MYH1: variants seen among roughly 807,000 people sequenced by gnomAD.
The protein encoded by MYH1 is myosin-1.
In MYH1, 214 loss-of-function variants were observed where a neutral mutation model predicts 225.6. That is an observed-to-expected ratio of 0.95 (90% CI 0.85 to 1.06). The LOEUF (loss-of-function observed/expected upper bound fraction) is 1.06. MYH1 is among the 50% of genes least tolerant of loss of function. The pLI is 0.00. For missense variants in MYH1, 2,098 were observed against 2,344.2 expected, an observed-to-expected ratio of 0.89 and a Z score of 2.17; for synonymous variants, 774 against 842.3, an observed-to-expected ratio of 0.92 and a Z score of 1.40.
intron 14 of MYH1, 128 bp from the exon 15 acceptor site, chr17:10,509,783 C>G (rs1369736324): frequency 2.8e-5 from 42 of 1,511,826 alleles, no homozygotes; most frequent in Non-Finnish European, 3.6e-5. Context: ...TATACCTACA[C>G]AATGAAGTTT....
Position 10,501,696 on chromosome 17 carries a change from G to A in MYH1, c.3258-12C>T, listed in dbSNP as rs375228048. The A allele has an allele frequency of 2.7e-5, 44 of 1,614,020 alleles. 1 individual carries two copies. The East Asian group carries it at 8.2e-4, about 30-fold the overall frequency. On this transcript the variant is annotated splice_polypyrimidine_tract_variant and intron_variant, in intron 25 of 39. Transcript: ENST00000226207. ...TTTCAAACTCTTTCCTATTAGAAAA[G>A]CCCTTTATGTCAGTCTCAGAAATAT...
intron 27 of MYH1, 58 bp downstream of exon 27, chr17:10,501,052 A>G (rs542847266): frequency 6.3e-6 from 10 of 1,593,388 alleles, no homozygotes; most frequent in South Asian, 1.1e-5. Context: ...TACAAATCAT[A>G]TTTGTGCTAA....
rs1438973586 is a variant in MYH1, at chr17:10,516,455, T to C, written c.188A>G (p.Lys63Arg). Residue 63 changes from lysine (K) to arginine (R), a missense_variant, in exon 3 of 40, where the codon AAG becomes AGG. By Grantham distance (26) the Lys-to-Arg change is conservative. Coordinates refer to ENST00000226207, the MANE Select transcript of MYH1 (RefSeq NM_005963.4). ...TTTACTCACAGCTCCAGCTTCGGTC[T>C]TAGCTGTCACCTTCCCCCCTTCCCT... ...QSREGGKVTAKTEAGATVTVK... is the reference protein window; with the variant it reads ...QSREGGKVTARTEAGATVTVK... 6 of 1,614,238 alleles carry C rather than the reference T, an allele frequency of 3.7e-6. No homozygotes were observed. Among genetic ancestry groups the C allele is most frequent in the Non-Finnish European group, 3.4e-6 (4 of 1,180,046 alleles).
intron 28 of MYH1, among the ~76,000 whole-genome samples, chr17:10,500,218 A>G (rs1398696541): frequency 6.6e-6 from 1 of 152,186 alleles, no homozygotes; most frequent in Non-Finnish European, 1.5e-5. Flanking sequence ...AAAGTAACAC[A>G]TAGCTTGCGA....
rs2072944356 is a variant in MYH1 at position 10,492,482 on chromosome 17, C to T, written c.5754G>A (p.Glu1918=). 1.2e-6 allele frequency: 2 copies of T among 1,614,166 alleles called. No homozygotes were observed. The highest frequency in any genetic ancestry group is 4.5e-5 in the East Asian group (2 of 44,878). The change falls in exon 40 of 40, where the codon GAG becomes GAA. Residue 1918 remains glutamate, a synonymous_variant. Transcript: ENST00000226207. Reference sequence around the variant, plus strand: ...TCACCCTCAGCTTGTTGACCTGGGACTCAGCAATGTCAGCCCGTTCCTCGG... The same window carrying T: ...TCACCCTCAGCTTGTTGACCTGGGATTCAGCAATGTCAGCCCGTTCCTCGG... ...EEAEERADIA[E]SQVNKLRVKS...
At position 10,496,475 on chromosome 17, in the gene MYH1, A is replaced by G. The variant is rs1401968161; in HGVS notation, c.4731T>C (p.Asp1577=). Residue 1577 remains aspartate, a synonymous_variant, in exon 34 of 40, where the codon GAT becomes GAC. Coordinates refer to ENST00000226207, the MANE Select transcript of MYH1 (RefSeq NM_005963.4). ...LELNQVKSEV[D]RKIAEKDEEI... is the part of the protein sequence containing the mutation. ...CCTCATCTTTTTCAGCAATTTTCCT[A>G]TCAACCTCAGACTTGACTTGGTTCA... The G allele has an allele frequency of 8.7e-6, 14 of 1,613,846 alleles. No individual in the cohort carries two copies. The highest frequency in any genetic ancestry group is 1.3e-5 in the African/African-American group (1 of 74,858).
intron 6 of MYH1, among the ~76,000 whole-genome samples, 199 bp downstream of exon 6, chr17:10,514,669 C>A (rs1267482795): frequency 3.9e-5 from 6 of 152,194 alleles, no homozygotes; most frequent in Non-Finnish European, 2.9e-5. Flanking sequence ...ACTTTCAAGA[C>A]CAGCAAATGA....
At chr17:10,497,568 T>C in intron 31 of MYH1, 116 bp from the exon 32 acceptor site, 6 of 1,486,436 alleles carry the variant, frequency 4.0e-6, no homozygotes, top group Non-Finnish European at 5.4e-6. Flanking sequence ...AAATTATGAA[T>C]GAGAAGAATA....
intron 14 of MYH1, among the ~76,000 whole-genome samples, chr17:10,511,498 C>G (rs574285423): frequency 2.8e-4 from 43 of 152,194 alleles, no homozygotes; most frequent in African/African-American, 9.9e-4. Flanking sequence ...ATTCAGAAAT[C>G]TTGAAACTAG....
chr17:10,505,121 C>T (rs2073097001), intron 21 of MYH1, 42 bp downstream of exon 21: 9 of 1,613,290 alleles, frequency 5.6e-6, no homozygotes, highest in East Asian at 4.5e-5. Flanking sequence ...AGAATTAAAA[C>T]ACCTAAGATG....
At position 10,501,596 on chromosome 17, in the gene MYH1, G is replaced by T. The variant is rs1420946432; in HGVS notation, c.3346C>A (p.Gln1116Lys). ...CTGGCGAAAATCATTTAACGTACTT[G>T]TAACTCCTTGATTTTCTTCTGCAGC... ...MQLQKKIKELQARIEELEEEI... is the reference protein window; with the variant it reads ...MQLQKKIKELKARIEELEEEI... Residue 1116 changes from glutamine (Q) to lysine (K), a missense_variant and splice_region_variant, in exon 26 of 40, where the codon CAA (glutamine) becomes AAA (lysine). Coordinates refer to ENST00000226207, the MANE Select transcript of MYH1 (RefSeq NM_005963.4). The T allele has an allele frequency of 6.2e-7, 1 of 1,614,074 alleles. No homozygotes were observed. Among genetic ancestry groups the T allele is most frequent in the Non-Finnish European group, 8.5e-7 (1 of 1,180,034 alleles).
rs2073050255 is a variant in MYH1 at position 10,501,124 on chromosome 17, C to T, written c.3724G>A (p.Val1242Ile). 6.2e-7 allele frequency: 1 copy of T among 1,613,742 alleles called. No individual in the cohort carries two copies. The change falls in exon 27 of 40, where the codon GTC becomes ATC. Residue 1242 changes from valine to isoleucine, a missense_variant. Coordinates refer to ENST00000226207, the MANE Select transcript of MYH1 (RefSeq NM_005963.4). ...GTTGATTGTACCTTGGCTTTGGAGA[C>T]AGTCTCCATGTTACTAGCAAGGTCA... ...IDDLASNMET[V>I]SKAKGNLEKM...
chr17:10,515,042 G>A, intron 5 of MYH1, 147 bp from the exon 6 acceptor site: 1 of 713,418 alleles, frequency 1.4e-6, no homozygotes, highest in South Asian at 1.8e-5. Context: ...GTGTCCTGCT[G>A]GTTTAATATA....
In MYH1 at chr17:10,497,656, T is replaced by C. The variant is rs2073010657; in HGVS notation, c.4365+78A>G. Reference sequence around the variant, plus strand: ...GCTACTGAGAACAGCCCTCAGATGGTTTGAATTGGGCACACTGAAGGTAGC... The same window carrying C: ...GCTACTGAGAACAGCCCTCAGATGGCTTGAATTGGGCACACTGAAGGTAGC... On this transcript the variant is annotated intron_variant, in intron 31 of 39. Coordinates refer to ENST00000226207, the MANE Select transcript of MYH1 (RefSeq NM_005963.4). The C allele has an allele frequency of 5.7e-6, 9 of 1,580,542 alleles. No individual in the cohort carries two copies. In the Middle Eastern group the frequency reaches 1.5e-3, roughly 266 times the overall value.
In MYH1 at chr17:10,499,080, C is replaced by A. The variant is rs751944483; in HGVS notation, c.3878G>T (p.Arg1293Leu). ...RLQTESGEYS[R>L]QLDEKDTLVS... is the part of the protein sequence containing the mutation. ...TAGTGTGTCCTTTTCATCTAGCTGG[C>A]GTGAATATTCACCTGTAAAAGACCA... The change falls in exon 29 of 40, where the codon CGC becomes CTC. Residue 1293 changes from arginine to leucine, a missense_variant. Coordinates refer to ENST00000226207, the MANE Select transcript of MYH1 (RefSeq NM_005963.4). 6.2e-7 allele frequency: 1 copy of A among 1,612,526 alleles called. No individual in the cohort carries two copies. Among genetic ancestry groups the A allele is most frequent in the East Asian group, 2.2e-5 (1 of 44,864 alleles).
chr17:10,496,145 C>T lies in MYH1; in HGVS notation c.4974G>A (p.Gln1658=). 2 of 1,614,158 alleles carry T rather than the reference C, an allele frequency of 1.2e-6. No individual in the cohort carries two copies. The highest frequency in any genetic ancestry group is 1.7e-5 in the Admixed American group (1 of 60,020). The change falls in exon 35 of 40, where the codon CAG becomes CAA. Residue 1658 remains glutamine (Q), a synonymous_variant. Coordinates refer to ENST00000226207, the MANE Select transcript of MYH1 (RefSeq NM_005963.4). ...RNTQAILKDT[Q]LHLDDALRSQ... ...TCCGGAGAGCATCATCCAGGTGGAG[C>T]TGGGTATCCTGTGGAACAAACCGTC...
intron 14 of MYH1, among the ~76,000 whole-genome samples, chr17:10,510,488 C>A (rs980751817): frequency 3.3e-5 from 5 of 152,102 alleles, no homozygotes; most frequent in Non-Finnish European, 7.4e-5. Flanking sequence ...ATGGCAGGAA[C>A]CCCAACATTT....
At chr17:10,496,176 G>A (rs2072991672) in intron 34 of MYH1, 23 bp from the exon 35 acceptor site, 2 of 1,614,048 alleles carry the variant, frequency 1.2e-6, no homozygotes, top group African/African-American at 2.7e-5. Flanking sequence ...CCGTCATTGA[G>A]ACACCATGTA....
chr17:10,509,578 C>T lies in MYH1; in HGVS notation c.1494G>A (p.Val498=). 1 of 1,614,190 alleles carries T rather than the reference C, an allele frequency of 6.2e-7. No individual in the cohort carries two copies. Among genetic ancestry groups the T allele is most frequent in the Non-Finnish European group, 8.5e-7 (1 of 1,180,050 alleles). ...LQQFFNHHMF[V]LEQEEYKKEG... ...CCTTCTTGTACTCCTCCTGCTCCAG[C>T]ACGAACATGTGGTGGTTGAAAAACT... Residue 498 remains valine, a synonymous_variant, in exon 15 of 40, where the codon GTG becomes GTA. Transcript: ENST00000226207.
Sources: gnomAD v4.1 joint callset for allele counts (sites outside exome capture counted in the v4.1 genomes callset) on GRCh38, gnomAD v4.1.1 for gene constraint, MANE v1.5 for transcripts, NCBI Gene and HGNC (gene_info 2026-07-23, HGNC 2026-07-21) for gene names.